CTNNA3: variants seen among roughly 807,000 people sequenced by gnomAD.
CTNNA3 encodes catenin alpha-3.
Under a neutral mutation model 95.7 loss-of-function variants are expected in CTNNA3, and 76 were observed. The ratio of observed to expected loss-of-function variants is 0.79; its 90% CI spans 0.66 to 0.96. The LOEUF (loss-of-function observed/expected upper bound fraction) is 0.96. Ranked by LOEUF, CTNNA3 falls within the 40% of genes least tolerant of loss-of-function variation. The pLI, the probability that CTNNA3 is intolerant of heterozygous loss-of-function variation, is 0.00. For missense variants in CTNNA3, 1,191 were observed against 1,089.8 expected (o/e 1.09, Z -1.31); for synonymous variants, 431 against 374.4 (o/e 1.15, Z -1.74).
At chr10:66,947,493 A>G (rs1848333751) in intron 7 of CTNNA3, among the ~76,000 whole-genome samples, 1 of 152,114 alleles carries the variant, frequency 6.6e-6, no homozygotes, top group South Asian at 2.1e-4. Flanking sequence ...TTATTTAAGC[A>G]ACTGAGCCTG....
chr10:66,235,920 A>G (rs1267922379), intron 13 of CTNNA3, among the ~76,000 whole-genome samples: 1 of 152,154 alleles, frequency 6.6e-6, no homozygotes, highest in East Asian at 1.9e-4. Context: ...GGATGATTTG[A>G]CTAAAAACAT....
chr10:67,080,802 G>A (rs987935227), intron 7 of CTNNA3, among the ~76,000 whole-genome samples: 1 of 151,878 alleles, frequency 6.6e-6, no homozygotes, highest in Non-Finnish European at 1.5e-5. Flanking sequence ...CCAGCTACTC[G>A]GGAGGCTGAG....
At chr10:67,695,641 T>C (rs528448520) in intron 1 of CTNNA3, among the ~76,000 whole-genome samples, 121 of 152,318 alleles carry the variant, frequency 7.9e-4, no homozygotes, top group Admixed American at 1.9e-3. Context: ...CCATCTTTGC[T>C]TCCTTTTCCC....
At chr10:66,063,863 T>C (rs911714414) in intron 15 of CTNNA3, among the ~76,000 whole-genome samples, 2 of 151,976 alleles carry the variant, frequency 1.3e-5, no homozygotes, top group Non-Finnish European at 2.9e-5. Flanking sequence ...CAAAGTATGT[T>C]AATACTTTAA....
chr10:66,339,456 A>G (rs1589111986), intron 12 of CTNNA3, among the ~76,000 whole-genome samples: 1 of 151,996 alleles, frequency 6.6e-6, no homozygotes, highest in Non-Finnish European at 1.5e-5. Flanking sequence ...ACCAATTATG[A>G]AATTTCTTCT....
chr10:67,411,114 A>G (rs1845351405), intron 5 of CTNNA3, among the ~76,000 whole-genome samples: 1 of 152,140 alleles, frequency 6.6e-6, no homozygotes, highest in African/African-American at 2.4e-5. Flanking sequence ...GACATGAAGA[A>G]TAAGTTCGAG....
At chr10:66,898,024 G>A (rs1055980433) in intron 7 of CTNNA3, among the ~76,000 whole-genome samples, 1 of 152,120 alleles carries the variant, frequency 6.6e-6, no homozygotes. Flanking sequence ...ATGACTAGTG[G>A]AATCATATCA....
At chr10:66,404,035 T>C (rs1448462286) in intron 11 of CTNNA3, among the ~76,000 whole-genome samples, 3 of 152,086 alleles carry the variant, frequency 2.0e-5, no homozygotes, top group African/African-American at 7.2e-5. Flanking sequence ...TTTGTGACCT[T>C]CTCAATTGCT....
intron 5 of CTNNA3, among the ~76,000 whole-genome samples, chr10:67,349,709 T>C (rs1842562473): frequency 6.6e-6 from 1 of 152,070 alleles, no homozygotes; most frequent in Non-Finnish European, 1.5e-5. Context: ...ATTAAATGTT[T>C]TACAACAATA....
intron 13 of CTNNA3, among the ~76,000 whole-genome samples, chr10:66,136,051 A>G (rs1328160789): frequency 1.3e-5 from 2 of 151,886 alleles, no homozygotes; most frequent in African/African-American, 4.8e-5. Context: ...ACAGGCGCCC[A>G]CCACCACGCC....
intron 13 of CTNNA3, among the ~76,000 whole-genome samples, chr10:66,275,853 C>G (rs2091384915): frequency 6.6e-6 from 1 of 151,522 alleles, no homozygotes; most frequent in South Asian, 2.1e-4. Context: ...AAGAAAATGA[C>G]AGAAATTTAT....
In CTNNA3 at chr10:67,151,397, TA is replaced by T. The variant is rs533074037; in HGVS notation, c.1047+28919del. ...TATTTCAAAAAGCAAGACAACGAGTTAACAATAACATGACACCAAGTATCAT... is the reference window on the plus strand; with the variant it reads ...TATTTCAAAAAGCAAGACAACGAGTTACAATAACATGACACCAAGTATCAT... On this transcript the variant is annotated intron_variant, in intron 7 of 17. Coordinates refer to ENST00000433211, the MANE Select transcript of CTNNA3 (RefSeq NM_013266.4). Among the ~76,000 whole-genome samples the T allele has an allele frequency of 1.6e-4, 25 of 152,238 alleles. No individual in the cohort carries two copies. In the East Asian group the frequency reaches 4.8e-3, roughly 29 times the overall value.
intron 7 of CTNNA3, among the ~76,000 whole-genome samples, chr10:67,162,369 A>G (rs1227752759): frequency 2.0e-5 from 3 of 151,430 alleles, no homozygotes; most frequent in African/African-American, 7.3e-5. Context: ...CTATATTAAG[A>G]TAGACCATAT....
chr10:67,381,258 C>T (rs1321070502), intron 5 of CTNNA3, among the ~76,000 whole-genome samples: 2 of 152,214 alleles, frequency 1.3e-5, no homozygotes, highest in Non-Finnish European at 2.9e-5. Flanking sequence ...CAAAATGAAA[C>T]TACGTGTAAG....
chr10:67,288,051 A>T (rs1487763487), intron 5 of CTNNA3, among the ~76,000 whole-genome samples: 1 of 152,192 alleles, frequency 6.6e-6, no homozygotes, highest in East Asian at 1.9e-4. Context: ...TAACCCATCA[A>T]TGTGAAGATC....
chr10:67,724,497 G>A (rs1354267788), intron 1 of CTNNA3, among the ~76,000 whole-genome samples: 1 of 152,114 alleles, frequency 6.6e-6, no homozygotes, highest in Non-Finnish European at 1.5e-5. Flanking sequence ...TACAATTTCG[G>A]GTTTCCCCAC....
At chr10:67,400,837 T>G (rs375549113) in intron 5 of CTNNA3, among the ~76,000 whole-genome samples, 3 of 152,170 alleles carry the variant, frequency 2.0e-5, no homozygotes, top group South Asian at 4.1e-4. Flanking sequence ...AGGCTAAATT[T>G]AAAACCACTT....
At chr10:67,551,033 A>T (rs531005006) in intron 3 of CTNNA3, among the ~76,000 whole-genome samples, 6 of 152,174 alleles carry the variant, frequency 3.9e-5, no homozygotes, top group Admixed American at 2.6e-4. Flanking sequence ...GCCTGTGCCC[A>T]CAGACCTAGG....
At chr10:66,423,054 C>G (rs2093209610) in intron 11 of CTNNA3, among the ~76,000 whole-genome samples, 1 of 152,014 alleles carries the variant, frequency 6.6e-6, no homozygotes, top group South Asian at 2.1e-4. Flanking sequence ...ACAGCCACTC[C>G]CTGTCCAACT....
Sources: gnomAD v4.1 joint callset for allele counts (sites outside exome capture counted in the v4.1 genomes callset) on GRCh38, gnomAD v4.1.1 for gene constraint, MANE v1.5 for transcripts, NCBI Gene and HGNC (gene_info 2026-07-23, HGNC 2026-07-21) for gene names.